The following NUP42 variants were observed in gnomAD, a reference collection of about 807,000 sequenced individuals.
The protein encoded by NUP42 is nucleoporin NUP42.
A neutral mutation model predicts 35.9 loss-of-function variants in NUP42; 47 were observed. The observed-to-expected ratio is 1.31, with a 90% CI of 1.04 to 1.67. The LOEUF is 1.67. Among genes scored for constraint, NUP42 ranks in the 40% most tolerant of loss-of-function variants. The pLI, the probability that NUP42 is intolerant of heterozygous loss-of-function variation, is 0.00. For synonymous variants in NUP42, 173 were observed against 173.3 expected, an observed-to-expected ratio of 1.00 and a Z score of 0.01; for missense variants, 514 against 492.2, an observed-to-expected ratio of 1.04 and a Z score of -0.42.
At chr7:23,197,759 T>TGGTA (rs1786063106) in intron 5 of NUP42, among the ~76,000 whole-genome samples, 1 of 152,006 alleles carries the variant, frequency 6.6e-6, no homozygotes, top group South Asian at 2.1e-4. Context: ...TTATACTGAA[T>TGGTA]GGTAACCCAT....
rs768878971 is a variant in NUP42, at chr7:23,200,731, C to T, written c.1258C>T (p.Leu420Phe). 6 of 1,573,428 alleles carry T rather than the reference C, an allele frequency of 3.8e-6. No homozygotes were observed. Among genetic ancestry groups the T allele is most frequent in the Admixed American group, 2.0e-5 (1 of 50,856 alleles). ...TCCATTAAAGCCTCCACCTCTGGAA[C>T]TTCTAAATGTTTAAAAGGGCAATTT... ...KIPLKPPPLE[L>F]LNV Residue 420 changes from leucine (L) to phenylalanine (F), a missense_variant, in exon 7 of 7, where the codon CTT (leucine) becomes TTT (phenylalanine). By Grantham distance (22) the Leu-to-Phe change is conservative. Coordinates refer to ENST00000258742, the MANE Select transcript of NUP42 (RefSeq NM_007342.3).
At chr7:23,182,819 C>T (rs1231752168) in intron 1 of NUP42, among the ~76,000 whole-genome samples, 1 of 144,142 alleles carries the variant, frequency 6.9e-6, no homozygotes, top group African/African-American at 2.6e-5. Context: ...GAGGCTGAGA[C>T]AGGAGAATCG....
chr7:23,186,050 T>G (rs1398678988), intron 2 of NUP42, among the ~76,000 whole-genome samples: 3 of 152,236 alleles, frequency 2.0e-5, no homozygotes, highest in Non-Finnish European at 4.4e-5. Flanking sequence ...ACATATCTTA[T>G]TTCTTTCTAA....
chr7:23,187,706 A>T (rs1343731919), intron 3 of NUP42, among the ~76,000 whole-genome samples: 1 of 144,526 alleles, frequency 6.9e-6, no homozygotes, highest in Admixed American at 7.3e-5. Flanking sequence ...TCCCAGGTTC[A>T]AGTGATTCTC....
At chr7:23,188,810 C>T (rs530222646) in intron 3 of NUP42, among the ~76,000 whole-genome samples, 3 of 152,266 alleles carry the variant, frequency 2.0e-5, no homozygotes, top group Admixed American at 2.0e-4. Context: ...TGCCATTTTT[C>T]ACTGTGTTGA....
At chr7:23,196,832 A>G in intron 5 of NUP42, 66 bp downstream of exon 5, 1 of 1,175,960 alleles carries the variant, frequency 8.5e-7, no homozygotes, top group South Asian at 1.3e-5. Flanking sequence ...AGGATATTTT[A>G]CTTTAGATTT....
At chr7:23,192,479 C>T (rs1728321) in intron 3 of NUP42, among the ~76,000 whole-genome samples, 1 of 146,826 alleles carries the variant, frequency 6.8e-6, no homozygotes, top group African/African-American at 2.5e-5. Flanking sequence ...CCCAGGAGGC[C>T]GAGGTTGCAG....
At position 23,200,501 on chromosome 7, in the gene NUP42, C is replaced by G; in HGVS notation, c.1028C>G (p.Ala343Gly). The G allele has an allele frequency of 6.2e-7, 1 of 1,614,040 alleles. No individual in the cohort carries two copies. The highest frequency in any genetic ancestry group is 8.5e-7 in the Non-Finnish European group (1 of 1,179,910). Residue 343 changes from alanine (A) to glycine (G), a missense_variant, in exon 7 of 7, where the codon GCT (alanine) becomes GGT (glycine). Ala to Gly is a moderately conservative substitution (Grantham distance 60). Transcript: ENST00000258742. ...GCCTTTGGAGGTGGCAGTTCTGTGG[C>G]TGGTTTTGGTAGTCCGGGCTCACAT... ...APAFGGGSSVAGFGSPGSHSH... is the reference protein window; with the variant it reads ...APAFGGGSSVGGFGSPGSHSH...
At chr7:23,196,217 C>T (rs2128474695) in intron 4 of NUP42, 1 of 204,036 alleles carries the variant, frequency 4.9e-6, no homozygotes, top group Non-Finnish European at 9.8e-6. Context: ...AGGTACCAAT[C>T]CAGTGATGAA....
chr7:23,187,281 G>A (rs958224209), intron 3 of NUP42, 135 bp downstream of exon 3: 28 of 589,482 alleles, frequency 4.7e-5, no homozygotes, highest in Non-Finnish European at 3.2e-5. Context: ...TAAAGTATTC[G>A]AGTATTCTAG....
At chr7:23,189,431 T>C (rs1442916537) in intron 3 of NUP42, among the ~76,000 whole-genome samples, 1 of 152,042 alleles carries the variant, frequency 6.6e-6, no homozygotes, top group African/African-American at 2.4e-5. Context: ...CTGGACAATA[T>C]AGCAAGACCT....
intron 5 of NUP42, among the ~76,000 whole-genome samples, chr7:23,199,206 T>C (rs1300921472): frequency 1.3e-5 from 2 of 152,060 alleles, no homozygotes; most frequent in African/African-American, 4.8e-5. Flanking sequence ...GGCTCCCAAA[T>C]AGCTGGGACC....
intron 4 of NUP42, 167 bp downstream of exon 4, chr7:23,196,082 A>G (rs2128474679): frequency 2.7e-6 from 1 of 368,100 alleles, no homozygotes; most frequent in South Asian, 9.8e-5. Flanking sequence ...GTTGGTTATT[A>G]AAATGATAAT....
rs777811000 is a variant in NUP42, at chr7:23,200,277, C to T, written c.804C>T (p.Ser268=). The part of the protein sequence containing the change: ...SSGSPAGFGS[S]PAFGAAASTS... ...GAAGCCCTGCTGGTTTTGGGAGTTC[C>T]CCAGCATTTGGAGCTGCAGCCTCTA... Residue 268 remains serine (S), a synonymous_variant, in exon 7 of 7, where the codon TCC becomes TCT. Coordinates refer to ENST00000258742, the MANE Select transcript of NUP42 (RefSeq NM_007342.3). 38 of 1,603,054 alleles carry T rather than the reference C, an allele frequency of 2.4e-5. No individual in the cohort carries two copies. The South Asian group carries it at 4.1e-4, about 17-fold the overall frequency.
At chr7:23,182,567 G>A (rs2128471803) in intron 1 of NUP42, 1 of 958,074 alleles carries the variant, frequency 1.0e-6, no homozygotes, top group Non-Finnish European at 1.3e-6. Flanking sequence ...TCAGAATCAG[G>A]ACTTCATTTT....
chr7:23,190,831 T>C (rs1233054197), intron 3 of NUP42, among the ~76,000 whole-genome samples: 2 of 152,228 alleles, frequency 1.3e-5, no homozygotes, highest in Non-Finnish European at 2.9e-5. Flanking sequence ...GATACTACTT[T>C]TGCCCCATTT....
chr7:23,188,006 T>C, intron 3 of NUP42: 1 of 1,049,500 alleles, frequency 9.5e-7, no homozygotes, highest in Non-Finnish European at 1.3e-6. Flanking sequence ...TTTTATTTTT[T>C]ATTTTTATTT....
rs189645586 is a variant in NUP42, at chr7:23,194,485, C to T, written c.446-1354C>T. The T allele has an allele frequency of 2.9e-3, 436 of 152,048 alleles. 2 individuals carry two copies. The highest frequency in any genetic ancestry group is 1.0e-2 in the African/African-American group (413 of 41,320). 9.4% of individuals were successfully genotyped at this position (152,048 alleles called of 1,614,324 possible). On this transcript the variant is annotated intron_variant, in intron 3 of 6. Coordinates refer to ENST00000258742, the MANE Select transcript of NUP42 (RefSeq NM_007342.3). ...AAGCGATTCTCCAGTCTCAGTCTCC[C>T]GAGTAGCTCGGATTATAGGCATATG...
Position 23,197,858 on chromosome 7 carries a change from G to T in NUP42, c.609+1092G>T, listed in dbSNP as rs566635959. 8.4e-4 allele frequency among the ~76,000 whole-genome samples: 128 copies of T among 152,032 alleles called. 1 individual carries two copies. Among genetic ancestry groups the T allele is most frequent in the African/African-American group, 3.0e-3 (124 of 41,456 alleles). ...AGACCAAAAAAAAAAAAATAGTGTA[G>T]ACCATGTGATTCCATTTGTATGAAA... is the stretch of plus-strand genomic sequence containing the variant. On this transcript the variant is annotated intron_variant, in intron 5 of 6. Transcript: ENST00000258742.
Sources: allele counts gnomAD v4.1 joint callset (sites outside exome capture counted in the v4.1 genomes callset), GRCh38; gene constraint gnomAD v4.1.1; transcripts MANE v1.5; gene names NCBI Gene and HGNC (gene_info 2026-07-23, HGNC 2026-07-21).